GOLGA4: variants seen among roughly 807,000 people sequenced by gnomAD.
The protein encoded by GOLGA4 is golgin A4.
Under a neutral mutation model 265.9 loss-of-function variants are expected in GOLGA4, and 169 were observed. The observed-to-expected ratio is 0.64, with a 90% CI of 0.56 to 0.72. The LOEUF (loss-of-function observed/expected upper bound fraction) is 0.72, where lower values mean the gene tolerates loss of function less well. Ranked by LOEUF, GOLGA4 falls within the 30% of genes least tolerant of loss-of-function variation. The probability of loss-of-function intolerance (pLI) is 0.00; values close to 1 mark genes in which losing one functional copy is unlikely to be tolerated. For synonymous variants in GOLGA4, 923 were observed against 855.8 expected, an observed-to-expected ratio of 1.08 and a Z score of -1.37; for missense variants, 2,482 against 2,483.4, an observed-to-expected ratio of 1.00 and a Z score of 0.01.
intron 17 of GOLGA4, among the ~76,000 whole-genome samples, chr3:37,336,796 AAGAGAAAGAAAG>A (rs2097014803): frequency 6.6e-6 from 1 of 151,660 alleles, no homozygotes; most frequent in South Asian, 2.1e-4. Context: ...GAGAAAGAGA[AAGAGAAAGAAAG>A]AGAGAAAGAG....
At chr3:37,268,590 G>T (rs1434067319) in intron 2 of GOLGA4, among the ~76,000 whole-genome samples, 2 of 151,898 alleles carry the variant, frequency 1.3e-5, no homozygotes, top group Non-Finnish European at 2.9e-5. Context: ...TTTTGAGAGA[G>T]AACTTTTTTT....
chr3:37,318,299 G>C (rs2096943644), intron 11 of GOLGA4, among the ~76,000 whole-genome samples: 1 of 151,906 alleles, frequency 6.6e-6, no homozygotes, highest in Non-Finnish European at 1.5e-5. Context: ...CTCCTGCCTT[G>C]GCCTCCCAAA....
At chr3:37,269,501 C>G (rs1168522307) in intron 2 of GOLGA4, among the ~76,000 whole-genome samples, 1 of 151,696 alleles carries the variant, frequency 6.6e-6, no homozygotes, top group Non-Finnish European at 1.5e-5. Context: ...ACTTTGGAGA[C>G]AAACATGTCA....
chr3:37,338,595 A>G (rs1364740117), intron 19 of GOLGA4, among the ~76,000 whole-genome samples: 1 of 152,220 alleles, frequency 6.6e-6, no homozygotes, highest in Non-Finnish European at 1.5e-5. Flanking sequence ...TATACACATT[A>G]AAAGTTAACA....
At chr3:37,344,436 A>G (rs2151030813) in intron 20 of GOLGA4, among the ~76,000 whole-genome samples, 1 of 148,434 alleles carries the variant, frequency 6.7e-6, no homozygotes, top group Admixed American at 6.7e-5. Flanking sequence ...TGTTTCTGCT[A>G]CCTCTAGTGT....
chr3:37,281,375 C>T (rs2096834190), intron 2 of GOLGA4, among the ~76,000 whole-genome samples: 1 of 152,042 alleles, frequency 6.6e-6, no homozygotes, highest in Non-Finnish European at 1.5e-5. Context: ...TCAACTCTGC[C>T]TCACATTCCC....
intron 2 of GOLGA4, among the ~76,000 whole-genome samples, chr3:37,274,418 G>A (rs1413199831): frequency 1.2e-4 from 18 of 152,102 alleles, no homozygotes; most frequent in African/African-American, 4.1e-4. Context: ...CAGGCTGGGC[G>A]CAGTGGCTCA....
chr3:37,258,858 C>CT (rs1162586175), intron 2 of GOLGA4, among the ~76,000 whole-genome samples: 2 of 151,878 alleles, frequency 1.3e-5, no homozygotes, highest in East Asian at 3.9e-4. Context: ...TGTATATAAT[C>CT]TTTTTTATAT....
intron 7 of GOLGA4, among the ~76,000 whole-genome samples, chr3:37,298,256 G>A (rs2096883873): frequency 6.6e-6 from 1 of 152,108 alleles, no homozygotes; most frequent in African/African-American, 2.4e-5. Flanking sequence ...TCACGGATCC[G>A]AGTTTTTAAG....
At chr3:37,343,873 TC>T (rs2097047355) in intron 20 of GOLGA4, among the ~76,000 whole-genome samples, 2 of 152,244 alleles carry the variant, frequency 1.3e-5, no homozygotes, top group Non-Finnish European at 2.9e-5. Context: ...GTCACCCAGT[TC>T]CAGGTGTGAT....
intron 5 of GOLGA4, 132 bp downstream of exon 5, chr3:37,289,423 AC>A: frequency 1.8e-6 from 1 of 553,160 alleles, no homozygotes; most frequent in Non-Finnish European, 3.3e-6. Context: ...AGCCTACAAG[AC>A]CAGGGGTCAG....
At chr3:37,337,802 A>G in intron 19 of GOLGA4, 68 bp downstream of exon 19, 1 of 1,012,936 alleles carries the variant, frequency 9.9e-7, no homozygotes, top group South Asian at 1.3e-5. Context: ...GATCTCAGCT[A>G]CTTTTTAAAT....
intron 10 of GOLGA4, among the ~76,000 whole-genome samples, chr3:37,307,250 A>C (rs2096908870): frequency 6.6e-6 from 1 of 152,188 alleles, no homozygotes. Context: ...TGCAGGAAAT[A>C]TGTTTTTTAT....
chr3:37,288,530 G>A (rs557661828), intron 4 of GOLGA4, among the ~76,000 whole-genome samples: 33 of 150,954 alleles, frequency 2.2e-4, no homozygotes, highest in African/African-American at 7.8e-4. Context: ...AGGCTGGAGT[G>A]CAGTGGTGCG....
chr3:37,309,368 C>A (rs1021185632), intron 10 of GOLGA4, among the ~76,000 whole-genome samples: 1 of 151,970 alleles, frequency 6.6e-6, no homozygotes, highest in Admixed American at 6.6e-5. Flanking sequence ...CCAGCCTGGC[C>A]AACATGGTGA....
At chr3:37,307,884 A>G (rs947596011) in intron 10 of GOLGA4, among the ~76,000 whole-genome samples, 1 of 152,200 alleles carries the variant, frequency 6.6e-6, no homozygotes, top group Non-Finnish European at 1.5e-5. Context: ...ATATTTTTCA[A>G]CATTAGCCTG....
At chr3:37,337,788 C>T in intron 19 of GOLGA4, 54 bp downstream of exon 19, 2 of 1,121,328 alleles carry the variant, frequency 1.8e-6, no homozygotes, top group Middle Eastern at 2.0e-4. Context: ...TTAATATGTA[C>T]TTGGATCTCA....
intron 2 of GOLGA4, among the ~76,000 whole-genome samples, chr3:37,263,769 T>C (rs2096776453): frequency 6.6e-6 from 1 of 152,230 alleles, no homozygotes; most frequent in African/African-American, 2.4e-5. Flanking sequence ...GAGTTTCAAA[T>C]AGTCTTCATG....
chr3:37,330,315 A>T (rs912418466), intron 16 of GOLGA4, among the ~76,000 whole-genome samples: 1 of 152,134 alleles, frequency 6.6e-6, no homozygotes, highest in Admixed American at 6.5e-5. Flanking sequence ...CACATTTTAT[A>T]AAAAAAGACT....
Sources: gnomAD v4.1 joint callset for allele counts (sites outside exome capture counted in the v4.1 genomes callset) on GRCh38, gnomAD v4.1.1 for gene constraint, MANE v1.5 for transcripts, NCBI Gene and HGNC (gene_info 2026-07-23, HGNC 2026-07-21) for gene names.